The following CSGALNACT1 variants were observed in gnomAD, a reference collection of about 807,000 sequenced individuals.
CSGALNACT1 encodes beta4GalNAcT-1.
CSGALNACT1 carries 52 observed loss-of-function variants against 51.0 expected under a neutral mutation model. The observed-to-expected ratio is 1.02, with a 90% confidence interval of 0.82 to 1.29. The LOEUF (loss-of-function observed/expected upper bound fraction) is 1.29. Among genes scored for constraint, CSGALNACT1 ranks in the 50% most tolerant of loss-of-function variants. CSGALNACT1 has a pLI of 0.00. For missense variants in CSGALNACT1, 935 were observed against 679.2 expected (o/e 1.38, Z -4.19); for synonymous variants, 341 against 254.4 (o/e 1.34, Z -3.24).
At chr8:19,498,289 T>C (rs951224396) in intron 4 of CSGALNACT1, among the ~76,000 whole-genome samples, 7 of 152,120 alleles carry the variant, frequency 4.6e-5, no homozygotes, top group Admixed American at 1.3e-4. Context: ...CCAGTATCCA[T>C]ACACACATGT....
chr8:19,429,011 A>G (rs2059247920), intron 6 of CSGALNACT1, among the ~76,000 whole-genome samples: 2 of 152,218 alleles, frequency 1.3e-5, no homozygotes, highest in South Asian at 4.1e-4. Context: ...TAGTTACAAA[A>G]TGTTTTCATC....
chr8:19,647,348 T>C (rs532234774), intron 1 of CSGALNACT1, among the ~76,000 whole-genome samples: 78 of 152,292 alleles, frequency 5.1e-4, no homozygotes, highest in Admixed American at 3.0e-3. Context: ...GGTCAGGAGT[T>C]CAAGGATGTA....
At position 19,508,807 on chromosome 8, in the gene CSGALNACT1, G is replaced by T. The variant is rs576828856; in HGVS notation, c.-296-2677C>A. On this transcript the variant is annotated intron_variant, in intron 3 of 9. Coordinates refer to ENST00000454498, the Ensembl canonical transcript of CSGALNACT1. The stretch of plus-strand genomic sequence containing the variant: ...ATAAAATGGTTGTATTTGCATAAAA[G>T]ATGAAAAGCATGTTGGCTAACTGAA... Among the ~76,000 whole-genome samples the T allele has an allele frequency of 1.3e-4, 20 of 152,294 alleles. 1 individual carries two copies. Among genetic ancestry groups the T allele is most frequent in the Admixed American group, 1.3e-3 (20 of 15,300 alleles).
chr8:19,406,166 G>C lies in CSGALNACT1; in HGVS notation c.1310-97C>G, dbSNP rs540097301. On this transcript the variant is annotated intron_variant, in intron 9 of 9. Transcript: ENST00000454498. ...CAAACTTTTCATTAAGACATGACTG[G>C]GGGGGATGCGTGCTTCACCACCACC... 7.6e-4 allele frequency: 1,061 copies of C among 1,390,732 alleles called. 3 individuals are homozygous for C. The highest frequency in any genetic ancestry group is 1.6e-3 in the Admixed American group (93 of 59,406). 86.1% of individuals were successfully genotyped at this position (1,390,732 alleles called of 1,614,324 possible).
chr8:19,660,278 G>A (rs1332545117), intron 1 of CSGALNACT1, among the ~76,000 whole-genome samples: 2 of 152,256 alleles, frequency 1.3e-5, no homozygotes, highest in Non-Finnish European at 2.9e-5. Context: ...GCAGATGAAA[G>A]AGTGCAGTCT....
intron 1 of CSGALNACT1, among the ~76,000 whole-genome samples, chr8:19,741,408 C>T (rs191471020): frequency 6.6e-6 from 1 of 152,092 alleles, no homozygotes; most frequent in Admixed American, 6.6e-5. Flanking sequence ...ACTAAAAATA[C>T]AAAAATTAGC....
At chr8:19,723,644 G>A (rs373046909) in intron 1 of CSGALNACT1, among the ~76,000 whole-genome samples, 69 of 152,322 alleles carry the variant, frequency 4.5e-4, no homozygotes, top group African/African-American at 1.5e-3. Flanking sequence ...AGGACACAGA[G>A]GTCATGGCTA....
chr8:19,433,480 G>C (rs747860160), intron 6 of CSGALNACT1, among the ~76,000 whole-genome samples: 1 of 152,166 alleles, frequency 6.6e-6, no homozygotes, highest in Non-Finnish European at 1.5e-5. Context: ...TTTTTGATTA[G>C]TCTATTGTTT....
rs186864467 is a variant in CSGALNACT1 at position 19,512,813 on chromosome 8, T to C, written c.-296-6683A>G. ...TGGTCATTAATCCAAAAATGTTTTC[T>C]TTAAGTGTCAGGGACTTTAGGAAAT... On this transcript the variant is annotated intron_variant, in intron 3 of 9. Transcript: ENST00000454498. 4.7e-3 allele frequency among the ~76,000 whole-genome samples: 713 copies of C among 152,312 alleles called. 1 individual carries two copies. The highest frequency in any genetic ancestry group is 7.8e-3 in the Non-Finnish European group (532 of 68,026).
chr8:19,591,972 T>A (rs1436916626), intron 2 of CSGALNACT1, among the ~76,000 whole-genome samples: 2 of 152,086 alleles, frequency 1.3e-5, no homozygotes. Context: ...TAAGAACACA[T>A]CATTTATGTA....
intron 1 of CSGALNACT1, among the ~76,000 whole-genome samples, chr8:19,699,174 G>A (rs547972323): frequency 5.3e-5 from 8 of 151,956 alleles, no homozygotes; most frequent in South Asian, 2.1e-4. Context: ...GCCCAGCCTC[G>A]TTTTTTATTT....
At chr8:19,703,584 G>A (rs1360814634) in intron 1 of CSGALNACT1, among the ~76,000 whole-genome samples, 1 of 152,128 alleles carries the variant, frequency 6.6e-6, no homozygotes, top group Non-Finnish European at 1.5e-5. Flanking sequence ...ATTACCGGTG[G>A]GTGTGAGCCA....
At chr8:19,749,790 C>T (rs1337378288) in intron 1 of CSGALNACT1, among the ~76,000 whole-genome samples, 1 of 152,160 alleles carries the variant, frequency 6.6e-6, no homozygotes, top group East Asian at 1.9e-4. Context: ...AATAGCTACC[C>T]CTTAAAGAGC....
At chr8:19,670,025 G>T (rs4244455) in intron 1 of CSGALNACT1, among the ~76,000 whole-genome samples, 134,622 of 152,090 alleles carry the variant, frequency 0.89, 60,018 homozygotes, top group African/African-American at 0.97. Context: ...AATTATCCCA[G>T]GTCTACCTAC....
At chr8:19,442,959 C>A (rs1156493165) in intron 5 of CSGALNACT1, among the ~76,000 whole-genome samples, 3 of 152,130 alleles carry the variant, frequency 2.0e-5, no homozygotes, top group Non-Finnish European at 4.4e-5. Context: ...GTTCACCCTT[C>A]CCAAGCAGAT....
At position 19,649,819 on chromosome 8, in the gene CSGALNACT1, CAAAAAAAAAA is replaced by C. The variant is rs57549612; in HGVS notation, c.-544+32644_-544+32653del. Reference sequence around the variant, plus strand: ...AAGAAATTAAATGCATTCCAAGTAGCAAAAAAAAAAAAAAAAAAAAAAAAAACCACGGGGG... The same window carrying C: ...AAGAAATTAAATGCATTCCAAGTAGCAAAAAAAAAAAAAAAACCACGGGGG... On this transcript the variant is annotated intron_variant, in intron 1 of 9. Transcript: ENST00000332246. Among the ~76,000 whole-genome samples, 13 of 29,412 alleles carry C rather than the reference CAAAAAAAAAA, an allele frequency of 4.4e-4. 1 individual carries two copies. The highest frequency in any genetic ancestry group is 3.4e-3 in the East Asian group (3 of 878). 19.3% of individuals were successfully genotyped at this position (29,412 alleles called of 152,430 possible). A position where few individuals can be genotyped will look rare whatever the true frequency, so the allele number is the denominator to read the frequency against.
chr8:19,461,877 A>G (rs372208281), intron 4 of CSGALNACT1, among the ~76,000 whole-genome samples: 412 of 93,046 alleles, frequency 4.4e-3, no homozygotes, highest in East Asian at 0.024. Context: ...GGGCGTATCC[A>G]CACAGCAGCC....
rs13328370 is a variant in CSGALNACT1, at chr8:19,628,643, A to T, written c.-543-26778T>A. On this transcript the variant is annotated intron_variant, in intron 1 of 9. Coordinates refer to the CSGALNACT1 transcript ENST00000332246. Reference sequence around the variant, plus strand: ...GTCCAATTCCAGAGCTTTCAGTCTTAATCAATAGGCTTTTTTTTTTTGTTT... The same window carrying T: ...GTCCAATTCCAGAGCTTTCAGTCTTTATCAATAGGCTTTTTTTTTTTGTTT... Among the ~76,000 whole-genome samples the T allele has an allele frequency of 5.4e-3, 824 of 152,054 alleles. 10 individuals are homozygous for T. Among genetic ancestry groups the T allele is most frequent in the African/African-American group, 0.019 (781 of 41,398 alleles).
At chr8:19,617,608 C>A (rs1368488288) in intron 1 of CSGALNACT1, among the ~76,000 whole-genome samples, 2 of 152,108 alleles carry the variant, frequency 1.3e-5, no homozygotes, top group Admixed American at 6.5e-5. Context: ...TTTACCACTG[C>A]TAGAAAAAAG....
Sources: allele counts gnomAD v4.1 joint callset (sites outside exome capture counted in the v4.1 genomes callset), GRCh38; gene constraint gnomAD v4.1.1; transcripts MANE v1.5; gene names NCBI Gene and HGNC (gene_info 2026-07-23, HGNC 2026-07-21).